The following USP22 variants were observed in gnomAD, a reference collection of about 807,000 sequenced individuals.
USP22 encodes the protein ubiquitin carboxyl-terminal hydrolase 22.
USP22 carries 22 observed loss-of-function variants against 68.1 expected under a neutral mutation model. That is an observed-to-expected ratio of 0.32 (90% CI 0.23 to 0.46). The LOEUF is 0.46. Among genes scored for constraint, USP22 ranks in the 20% least tolerant of loss-of-function variants. USP22 has a pLI of 1.00. For synonymous variants in USP22, 279 were observed against 274.2 expected (o/e 1.02, Z -0.17); for missense variants, 433 against 695.8 (o/e 0.62, Z 4.25).
chr17:21,023,355 A>T (rs980059806), intron 2 of USP22, among the ~76,000 whole-genome samples: 4 of 152,186 alleles, frequency 2.6e-5, no homozygotes, highest in African/African-American at 9.7e-5. Context: ...AATATTTTTT[A>T]AAAAACTGGG....
rs756881281 is a variant in USP22, at chr17:21,006,899, G to GA, written c.1318dup (p.Ser440PhefsTer21). 1 of 1,604,136 alleles carries GA rather than the reference G, an allele frequency of 6.2e-7. No individual in the cohort carries two copies. Among genetic ancestry groups the GA allele is most frequent in the Non-Finnish European group, 8.5e-7 (1 of 1,175,008 alleles). Reference sequence around the variant, plus strand: ...ACGGGCCTACAACCCCACATACCTGGAGGCCATGAAAGGGGTCATGTCCAG... The same window carrying GA: ...ACGGGCCTACAACCCCACATACCTGGAAGGCCATGAAAGGGGTCATGTCCAG... On this transcript the variant is annotated frameshift_variant, in exon 10 of 13. Transcript: ENST00000261497. LOFTEE classifies it high-confidence loss of function.
chr17:21,004,318 C>T lies in USP22; in HGVS notation c.1419G>A (p.Gly473=). ...YSLFAVVNHQ[G]TLESGHYTSF... is the part of the protein sequence containing the mutation. ...TGGTGTAGTGGCCACTCTCCAAGGT[C>T]CCTTGATGGTTAACAACAGCAAACA... The change falls in exon 12 of 13, where the codon GGG becomes GGA. Residue 473 remains glycine (G), a synonymous_variant. Transcript: ENST00000261497. The T allele has an allele frequency of 6.2e-7, 1 of 1,614,116 alleles. No individual in the cohort carries two copies. Among genetic ancestry groups the T allele is most frequent in the Non-Finnish European group, 8.5e-7 (1 of 1,180,006 alleles).
rs2143644533 is a variant in USP22, at chr17:21,036,094, A to G, written c.171+6571T>C. On this transcript the variant is annotated intron_variant, in intron 1 of 12. Coordinates refer to ENST00000261497, the MANE Select transcript of USP22 (RefSeq NM_015276.2). ...AATCCACTCAATGGATACAATGGATATTGCTAGACAAAAGAAGCCAGTATG... is the reference window on the plus strand; with the variant it reads ...AATCCACTCAATGGATACAATGGATGTTGCTAGACAAAAGAAGCCAGTATG... Among the ~76,000 whole-genome samples the G allele has an allele frequency of 2.0e-5, 3 of 151,432 alleles. No individual in the cohort carries two copies. The East Asian group carries it at 5.9e-4, about 30-fold the overall frequency.
intron 2 of USP22, among the ~76,000 whole-genome samples, chr17:21,021,584 C>T (rs892456001): frequency 2.0e-5 from 3 of 152,234 alleles, no homozygotes; most frequent in Admixed American, 6.5e-5. Flanking sequence ...CCACCTGACA[C>T]GGAGTGACTA....
Position 21,004,361 on chromosome 17 carries a change from G to T in USP22, c.1386-10C>A. 1 of 1,613,236 alleles carries T rather than the reference G, an allele frequency of 6.2e-7. No individual in the cohort carries two copies. The highest frequency in any genetic ancestry group is 8.5e-7 in the Non-Finnish European group (1 of 1,179,282). On this transcript the variant is annotated splice_polypyrimidine_tract_variant and intron_variant, in intron 11 of 12. Transcript: ENST00000261497. ...AGCAAACAGGGAATACCTAGTGCAG[G>T]AGCAAAGGAGAGGGAGGGCGCAGGT...
At position 21,018,442 on chromosome 17, in the gene USP22, G is replaced by A. The variant is rs866779894; in HGVS notation, c.521-331C>T. ...TTTTTAAAAATGTTCTAGGGCCAGG[G>A]CAGGGGCTCATACTTGTAACCCAGC... is the stretch of plus-strand genomic sequence containing the variant. On this transcript the variant is annotated intron_variant, in intron 4 of 12. Transcript: ENST00000261497. 9.8e-4 allele frequency: 44 copies of A among 45,008 alleles called. 1 individual carries two copies. The highest frequency in any genetic ancestry group is 2.1e-3 in the South Asian group (9 of 4,252). The allele number at this position is 45,008 out of a possible 1,614,324, so 2.8% of individuals were successfully genotyped here.
At chr17:21,036,827 C>T (rs1972364394) in intron 1 of USP22, among the ~76,000 whole-genome samples, 1 of 152,186 alleles carries the variant, frequency 6.6e-6, no homozygotes, top group Non-Finnish European at 1.5e-5. Context: ...TTTCCCAGCT[C>T]TGTCCCTTGA....
intron 10 of USP22, among the ~76,000 whole-genome samples, chr17:21,006,026 A>G (rs963067677): frequency 1.3e-5 from 2 of 152,234 alleles, no homozygotes; most frequent in African/African-American, 4.8e-5. Flanking sequence ...TGGAACCACC[A>G]GCAGCTGGAG....
intron 1 of USP22, among the ~76,000 whole-genome samples, chr17:21,033,270 G>C (rs1388852568): frequency 6.6e-6 from 1 of 152,178 alleles, no homozygotes; most frequent in Admixed American, 6.5e-5. Flanking sequence ...AATTCAAGTA[G>C]ATTCAGTAGA....
chr17:21,041,049 T>A (rs1452401160), intron 1 of USP22, among the ~76,000 whole-genome samples: 1 of 151,934 alleles, frequency 6.6e-6, no homozygotes, highest in Non-Finnish European at 1.5e-5. Context: ...CACACCCGGC[T>A]ACTTTTCGTA....
At chr17:21,032,537 T>C (rs960425758) in intron 1 of USP22, among the ~76,000 whole-genome samples, 3 of 152,154 alleles carry the variant, frequency 2.0e-5, no homozygotes, top group Non-Finnish European at 4.4e-5. Flanking sequence ...TGAGATGAAA[T>C]TTCTGTTGTT....
rs188658741 is a variant in USP22, at chr17:21,009,510, C to T, written c.1104-1514G>A. ...TCCTCCACCTTCCCGGGAGTCAGCA[C>T]CACATCATGTCTCTCCTAACAACAC... On this transcript the variant is annotated intron_variant, in intron 8 of 12. Coordinates refer to ENST00000261497, the MANE Select transcript of USP22 (RefSeq NM_015276.2). 6.1e-4 allele frequency among the ~76,000 whole-genome samples: 93 copies of T among 152,240 alleles called. No homozygotes were observed. The Middle Eastern group carries it at 0.014, about 22-fold the overall frequency.
chr17:21,028,361 G>C (rs1385094258), intron 2 of USP22, among the ~76,000 whole-genome samples, 181 bp downstream of exon 2: 1 of 152,184 alleles, frequency 6.6e-6, no homozygotes, highest in African/African-American at 2.4e-5. Context: ...GCAAACTGAG[G>C]ACGCGATTCA....
intron 1 of USP22, among the ~76,000 whole-genome samples, chr17:21,033,753 ATTT>A (rs34176328): frequency 6.8e-6 from 1 of 146,142 alleles, no homozygotes; most frequent in Non-Finnish European, 1.5e-5. Flanking sequence ...GACAGGTATA[ATTT>A]TTTTTTTTTT....
At chr17:21,020,216 A>G (rs1430142483) in intron 3 of USP22, among the ~76,000 whole-genome samples, 1 of 136,340 alleles carries the variant, frequency 7.3e-6, no homozygotes, top group East Asian at 2.4e-4. Flanking sequence ...ACTGTCAACC[A>G]CTATGAGCAT....
chr17:21,043,134 C>CCCCCCCCCCCCCCCCA (rs1555531424), upstream of USP22: 1 of 72,150 alleles, frequency 1.4e-5, no homozygotes, highest in African/African-American at 5.1e-5. Flanking sequence ...CCCCCCCCCC[C>CCCCCCCCCCCCCCCCA]CCTCCCGGCC....
chr17:21,022,833 C>G (rs1287577234), intron 2 of USP22, among the ~76,000 whole-genome samples: 1 of 151,422 alleles, frequency 6.6e-6, no homozygotes, highest in African/African-American at 2.4e-5. Flanking sequence ...CCAGGATTAC[C>G]TACCCAAAGG....
intron 8 of USP22, among the ~76,000 whole-genome samples, chr17:21,010,663 CAA>C (rs36003717): frequency 2.8e-4 from 30 of 107,524 alleles, no homozygotes; most frequent in African/African-American, 5.0e-4. Context: ...AACTCTGTCT[CAA>C]AAAAAAAAAA....
intron 12 of USP22, among the ~76,000 whole-genome samples, chr17:21,003,280 CA>C (rs1597685977): frequency 6.6e-6 from 1 of 152,170 alleles, no homozygotes; most frequent in African/African-American, 2.4e-5. Flanking sequence ...GCAGCCCGAC[CA>C]CCACCCCCAC....
Sources: gnomAD v4.1 joint callset for allele counts (sites outside exome capture counted in the v4.1 genomes callset) on GRCh38, gnomAD v4.1.1 for gene constraint, MANE v1.5 for transcripts, NCBI Gene and HGNC (gene_info 2026-07-23, HGNC 2026-07-21) for gene names.